The following PXT1 variants were observed in gnomAD, a reference collection of about 807,000 sequenced individuals.
The protein encoded by PXT1 is peroxisomal testis-specific protein 1.
A neutral mutation model predicts 11.0 loss-of-function variants in PXT1; 11 were observed. The ratio of observed to expected loss-of-function variants is 1.00; its 90% CI spans 0.63 to 1.66. The LOEUF (loss-of-function observed/expected upper bound fraction) is 1.66, where lower values mean the gene tolerates loss of function less well. PXT1 is among the 40% of genes most tolerant of loss of function. The pLI, the probability that PXT1 is intolerant of heterozygous loss-of-function variation, is 0.00. For synonymous variants in PXT1, 43 were observed against 51.4 expected, an observed-to-expected ratio of 0.84 and a Z score of 0.70; for missense variants, 141 against 155.5, an observed-to-expected ratio of 0.91 and a Z score of 0.49.
chr6:36,438,957 A>G (rs1318862596), intron 1 of PXT1, 71 bp from the exon 2 acceptor site: 2 of 151,946 alleles, frequency 1.3e-5, no homozygotes, highest in Non-Finnish European at 2.9e-5. Flanking sequence ...TTACCTATCT[A>G]CTAAATAAAT....
At chr6:36,426,593 C>T (rs1437408026) in intron 2 of PXT1, among the ~76,000 whole-genome samples, 1 of 152,078 alleles carries the variant, frequency 6.6e-6, no homozygotes, top group East Asian at 1.9e-4. Context: ...TGGTCTCAAA[C>T]TCCTGACCTC....
chr6:36,429,287 T>TGTA (rs1774655198), intron 2 of PXT1, among the ~76,000 whole-genome samples: 1 of 1,524 alleles, frequency 6.6e-4, no homozygotes, highest in African/African-American at 3.3e-3. Flanking sequence ...AAAAAAAAAA[T>TGTA]TGCATAATTA....
intron 3 of PXT1, among the ~76,000 whole-genome samples, chr6:36,423,557 C>T (rs1465825270): frequency 3.3e-5 from 5 of 152,368 alleles, no homozygotes; most frequent in African/African-American, 1.2e-4. Context: ...AGGCCGGGTT[C>T]CCGAATTACA....
At chr6:36,438,265 G>C (rs143203800) in intron 2 of PXT1, among the ~76,000 whole-genome samples, 251 of 152,116 alleles carry the variant, frequency 1.7e-3, no homozygotes, top group African/African-American at 6.0e-3. Context: ...GTAGATTTGG[G>C]AATAATCTAT....
At chr6:36,428,509 CA>C (rs1774641184) in intron 2 of PXT1, among the ~76,000 whole-genome samples, 1 of 151,908 alleles carries the variant, frequency 6.6e-6, no homozygotes, top group Admixed American at 6.6e-5. Context: ...GGCCGGCTGA[CA>C]GCTTTACCCA....
intron 2 of PXT1, among the ~76,000 whole-genome samples, chr6:36,432,661 T>A (rs1459969863): frequency 6.6e-6 from 1 of 152,124 alleles, no homozygotes; most frequent in Non-Finnish European, 1.5e-5. Context: ...ATGTAGTGCT[T>A]CAAAAAGGAC....
At chr6:36,424,915 A>C (rs186573314) in intron 3 of PXT1, among the ~76,000 whole-genome samples, 1 of 152,076 alleles carries the variant, frequency 6.6e-6, no homozygotes, top group East Asian at 1.9e-4. Context: ...GTGAGACTCT[A>C]TCTCAAAAAA....
At chr6:36,431,976 C>G (rs746980378) in intron 2 of PXT1, among the ~76,000 whole-genome samples, 6 of 151,596 alleles carry the variant, frequency 4.0e-5, no homozygotes, top group South Asian at 2.1e-4. Flanking sequence ...GAAGCTGAGG[C>G]GGGAGAATCG....
intron 2 of PXT1, among the ~76,000 whole-genome samples, chr6:36,430,076 G>GC: frequency 6.6e-6 from 1 of 151,940 alleles, no homozygotes; most frequent in East Asian, 2.0e-4. Context: ...GCGTAGTGGC[G>GC]CATGACTGTA....
At chr6:36,402,828 C>T (rs959789945) in intron 3 of PXT1, among the ~76,000 whole-genome samples, 4 of 152,184 alleles carry the variant, frequency 2.6e-5, no homozygotes, top group African/African-American at 4.8e-5. Flanking sequence ...GGAGAGCTCC[C>T]GGAGGGGAGG....
At chr6:36,430,835 C>T (rs1774681791) in intron 2 of PXT1, among the ~76,000 whole-genome samples, 1 of 151,978 alleles carries the variant, frequency 6.6e-6, no homozygotes, top group South Asian at 2.1e-4. Flanking sequence ...CGCTCTGTCA[C>T]CCAGGCTGGA....
intron 3 of PXT1, among the ~76,000 whole-genome samples, chr6:36,419,840 A>C (rs897182919): frequency 6.6e-6 from 1 of 152,196 alleles, no homozygotes; most frequent in Non-Finnish European, 1.5e-5. Flanking sequence ...AACCAGGCGA[A>C]ATATTTGGCC....
At chr6:36,396,345 C>T (rs780100332) in intron 4 of PXT1, among the ~76,000 whole-genome samples, 1 of 152,138 alleles carries the variant, frequency 6.6e-6, no homozygotes, top group Non-Finnish European at 1.5e-5. Context: ...CTGTGGCCAC[C>T]CTCCCAGTTG....
intron 2 of PXT1, among the ~76,000 whole-genome samples, chr6:36,430,003 T>C (rs1396283365): frequency 6.6e-6 from 1 of 150,568 alleles, no homozygotes; most frequent in Non-Finnish European, 1.5e-5. Context: ...GATCAGGAGC[T>C]CGAGAGTAGC....
At chr6:36,439,012 T>C (rs1388626037) in intron 1 of PXT1, 126 bp from the exon 2 acceptor site, 2 of 151,992 alleles carry the variant, frequency 1.3e-5, no homozygotes, top group African/African-American at 4.8e-5. Context: ...TTGGAACTTT[T>C]TTTTTTTTGA....
At chr6:36,429,931 G>A (rs1774668545) in intron 2 of PXT1, among the ~76,000 whole-genome samples, 1 of 151,968 alleles carries the variant, frequency 6.6e-6, no homozygotes, top group South Asian at 2.1e-4. Flanking sequence ...AGGCACAGTG[G>A]CTCGCGCCTG....
intron 2 of PXT1, among the ~76,000 whole-genome samples, chr6:36,436,595 G>A (rs1033788820): frequency 1.3e-5 from 2 of 152,186 alleles, no homozygotes; most frequent in Admixed American, 6.5e-5. Flanking sequence ...GGGGAGGGAT[G>A]CAATGGCAGG....
At chr6:36,418,530 T>C (rs1394342931) in intron 3 of PXT1, among the ~76,000 whole-genome samples, 3 of 152,196 alleles carry the variant, frequency 2.0e-5, no homozygotes, top group Non-Finnish European at 2.9e-5. Context: ...TTTGTTTCCA[T>C]GAACCTGAGT....
intron 2 of PXT1, among the ~76,000 whole-genome samples, chr6:36,428,368 C>T (rs1259473280): frequency 7.0e-6 from 1 of 141,894 alleles, no homozygotes; most frequent in African/African-American, 2.7e-5. Flanking sequence ...TGGCTTGAAC[C>T]CTAGAGGTGG....
Sources: gnomAD v4.1 joint callset for allele counts (sites outside exome capture counted in the v4.1 genomes callset) on GRCh38, gnomAD v4.1.1 for gene constraint, MANE v1.5 for transcripts, NCBI Gene and HGNC (gene_info 2026-07-23, HGNC 2026-07-21) for gene names.